The following DEPDC5 variants were observed in gnomAD, a reference collection of about 807,000 sequenced individuals.
DEPDC5 encodes GATOR1 complex protein DEPDC5.
DEPDC5 carries 73 observed loss-of-function variants against 217.3 expected under a neutral mutation model. The observed-to-expected ratio is 0.34, with a 90% CI of 0.28 to 0.41. DEPDC5 has a LOEUF of 0.41. DEPDC5 is among the 10% of genes least tolerant of loss of function. The pLI is 1.00. For synonymous variants in DEPDC5, 733 were observed against 756.7 expected (o/e 0.97, Z 0.51); for missense variants, 1,675 against 2,070.1 (o/e 0.81, Z 3.70).
chr22:31,784,415 G>A (rs186213600), intron 9 of DEPDC5: 2 of 196,256 alleles, frequency 1.0e-5, no homozygotes, highest in African/African-American at 4.8e-5. Flanking sequence ...GATCACCTGA[G>A]GTCAGGAGTT....
At chr22:31,835,900 G>A (rs974284500) in intron 25 of DEPDC5, among the ~76,000 whole-genome samples, 14 of 152,200 alleles carry the variant, frequency 9.2e-5, no homozygotes, top group Admixed American at 5.2e-4. Flanking sequence ...CTTCATTGAC[G>A]GGAGGGCTGA....
At chr22:31,762,147 G>A (rs578112688) in intron 4 of DEPDC5, among the ~76,000 whole-genome samples, 3 of 152,160 alleles carry the variant, frequency 2.0e-5, no homozygotes, top group African/African-American at 2.4e-5. Flanking sequence ...CTCTGGGTGA[G>A]TAGGGATTGG....
chr22:31,805,258 C>T (rs1202976884), intron 17 of DEPDC5: 3 of 163,486 alleles, frequency 1.8e-5, no homozygotes, highest in Admixed American at 6.4e-5. Flanking sequence ...TACATGGAAT[C>T]CTGCTGATTC....
At chr22:31,902,707 A>G (rs966807962) in intron 41 of DEPDC5, among the ~76,000 whole-genome samples, 5 of 151,882 alleles carry the variant, frequency 3.3e-5, no homozygotes, top group Admixed American at 2.6e-4. Context: ...TCCCACCTCC[A>G]CCAGCATCTG....
chr22:31,817,807 T>C (rs1479303769), intron 21 of DEPDC5, among the ~76,000 whole-genome samples: 1 of 152,192 alleles, frequency 6.6e-6, no homozygotes, highest in African/African-American at 2.4e-5. Context: ...TTTTTTTTTT[T>C]ACTAGGTTTT....
chr22:31,833,769 T>G, intron 24 of DEPDC5, 146 bp from the exon 25 acceptor site: 1 of 600,742 alleles, frequency 1.7e-6, no homozygotes. Flanking sequence ...TCGATTCTTT[T>G]GTACTGTTTG....
rs1035592046 is a variant in DEPDC5, at chr22:31,783,104, A to T, written c.484-803A>T. On this transcript the variant is annotated intron_variant, in intron 8 of 42. Transcript: ENST00000651528. Reference sequence around the variant, plus strand: ...CCAATCAGCGCTCTGTGTCTAGCTAAAGGATTGTAAATGCACCAATCAGCA... The same window carrying T: ...CCAATCAGCGCTCTGTGTCTAGCTATAGGATTGTAAATGCACCAATCAGCA... Among the ~76,000 whole-genome samples, 25 of 152,068 alleles carry T rather than the reference A, an allele frequency of 1.6e-4. 3 individuals are homozygous for T. The highest frequency in any genetic ancestry group is 1.5e-3 in the Admixed American group (23 of 15,254).
rs772622894 is a variant in DEPDC5, at chr22:31,810,558, C to T, written c.1362C>T (p.Pro454=). ...CAAAAGAATCTGAGAACGCCCTTCCCATCCAAGTAGATTATGACGCCTATG... is the reference window on the plus strand; with the variant it reads ...CAAAAGAATCTGAGAACGCCCTTCCTATCCAAGTAGATTATGACGCCTATG... ...GSPKESENAL[P]IQVDYDAYDA... is the part of the protein sequence containing the mutation. Residue 454 remains proline, a synonymous_variant, in exon 20 of 43, where the codon CCC becomes CCT. Transcript: ENST00000651528. 1 of 1,614,128 alleles carries T rather than the reference C, an allele frequency of 6.2e-7. No individual in the cohort carries two copies. Among genetic ancestry groups the T allele is most frequent in the South Asian group, 1.1e-5 (1 of 91,076 alleles).
chr22:31,848,564 C>T (rs557734686), intron 31 of DEPDC5, among the ~76,000 whole-genome samples: 37 of 152,052 alleles, frequency 2.4e-4, no homozygotes, highest in African/African-American at 4.3e-4. Context: ...ATGCAGTGCA[C>T]GGAGTCCCTA....
chr22:31,814,871 C>A, intron 20 of DEPDC5, 121 bp from the exon 21 acceptor site: 1 of 1,013,088 alleles, frequency 9.9e-7, no homozygotes, highest in Non-Finnish European at 1.5e-6. Flanking sequence ...ACTTGTAGAT[C>A]ACACTGGGGA....
intron 38 of DEPDC5, 81 bp downstream of exon 38, chr22:31,879,833 G>A: frequency 7.4e-7 from 1 of 1,344,862 alleles, no homozygotes; most frequent in South Asian, 1.3e-5. Context: ...AGGGAACGAT[G>A]CCACATGAAC....
chr22:31,821,074 G>A (rs1479200635), intron 22 of DEPDC5, among the ~76,000 whole-genome samples: 1 of 152,166 alleles, frequency 6.6e-6, no homozygotes, highest in Non-Finnish European at 1.5e-5. Flanking sequence ...TTCCTACTCT[G>A]CCTTTTTTGC....
chr22:31,827,743 A>G (rs1227771650), intron 24 of DEPDC5, among the ~76,000 whole-genome samples: 1 of 152,134 alleles, frequency 6.6e-6, no homozygotes, highest in Non-Finnish European at 1.5e-5. Flanking sequence ...CCCCAGATAG[A>G]TCAGGCTCAC....
intron 20 of DEPDC5, among the ~76,000 whole-genome samples, chr22:31,811,043 A>G (rs915693093): frequency 6.6e-6 from 1 of 151,674 alleles, no homozygotes; most frequent in Non-Finnish European, 1.5e-5. Flanking sequence ...CCAAAATGCT[A>G]GGATTAGAGG....
At chr22:31,755,927 C>T (rs1418252271) in intron 2 of DEPDC5, among the ~76,000 whole-genome samples, 1 of 151,532 alleles carries the variant, frequency 6.6e-6, no homozygotes, top group Non-Finnish European at 1.5e-5. Flanking sequence ...GGCTGGAGTG[C>T]AGTGGCGTGA....
At chr22:31,767,226 T>C (rs2082895429) in intron 6 of DEPDC5, among the ~76,000 whole-genome samples, 1 of 151,998 alleles carries the variant, frequency 6.6e-6, no homozygotes, top group South Asian at 2.1e-4. Flanking sequence ...CTGTAACCTC[T>C]GTCGTCTGGG....
intron 14 of DEPDC5, 98 bp downstream of exon 14, chr22:31,798,754 G>C: frequency 8.4e-7 from 1 of 1,188,764 alleles, no homozygotes; most frequent in Non-Finnish European, 1.2e-6. Flanking sequence ...AAGGTTCTTG[G>C]ATCTTGCAGA....
At chr22:31,772,932 C>T (rs1293967584) in intron 7 of DEPDC5, among the ~76,000 whole-genome samples, 1 of 152,044 alleles carries the variant, frequency 6.6e-6, no homozygotes, top group Non-Finnish European at 1.5e-5. Context: ...CAGGAATGCA[C>T]CACTATGCCC....
chr22:31,767,870 C>T (rs894768852), intron 6 of DEPDC5, among the ~76,000 whole-genome samples: 74 of 151,744 alleles, frequency 4.9e-4, no homozygotes, highest in Non-Finnish European at 8.7e-4. Flanking sequence ...CTCAGCCTCC[C>T]GAGTAGCTGG....
Sources: allele counts gnomAD v4.1 joint callset (sites outside exome capture counted in the v4.1 genomes callset), GRCh38; gene constraint gnomAD v4.1.1; transcripts MANE v1.5; gene names NCBI Gene and HGNC (gene_info 2026-07-23, HGNC 2026-07-21).